The following STK32B variants were observed in gnomAD, a reference collection of about 807,000 sequenced individuals.
STK32B encodes the protein serine/threonine-protein kinase 32B.
Under a neutral mutation model 52.6 loss-of-function variants are expected in STK32B, and 43 were observed. The ratio of observed to expected loss-of-function variants is 0.82; its 90% CI spans 0.64 to 1.05. The LOEUF is 1.05. Among genes scored for constraint, STK32B ranks in the 50% least tolerant of loss-of-function variants. The pLI, the probability that STK32B is intolerant of heterozygous loss-of-function variation, is 0.00. For synonymous variants in STK32B, 238 were observed against 204.3 expected (o/e 1.17, Z -1.41); for missense variants, 621 against 534.6 (o/e 1.16, Z -1.59).
chr4:5,278,293 C>T (rs1381422549), intron 3 of STK32B, among the ~76,000 whole-genome samples: 2 of 152,184 alleles, frequency 1.3e-5, no homozygotes. Context: ...TTCTGAAAAC[C>T]AGAGCATTAA....
At chr4:5,313,034 C>G (rs1178182325) in intron 3 of STK32B, among the ~76,000 whole-genome samples, 1 of 151,622 alleles carries the variant, frequency 6.6e-6, no homozygotes, top group Non-Finnish European at 1.5e-5. Flanking sequence ...AAAAGAAAGA[C>G]CAACATAGCT....
At chr4:5,491,811 C>A (rs1220487688) in intron 11 of STK32B, among the ~76,000 whole-genome samples, 4 of 151,766 alleles carry the variant, frequency 2.6e-5, no homozygotes, top group Admixed American at 2.0e-4. Flanking sequence ...AGCCAGTTTT[C>A]CCAGCACCAT....
chr4:5,072,190 A>G (rs528963896), intron 1 of STK32B, among the ~76,000 whole-genome samples: 2 of 152,320 alleles, frequency 1.3e-5, no homozygotes, highest in African/African-American at 4.8e-5. Flanking sequence ...AGTATATTCT[A>G]CACTGACAAC....
chr4:5,445,967 T>A (rs1419711209), intron 6 of STK32B, among the ~76,000 whole-genome samples: 1 of 151,876 alleles, frequency 6.6e-6, no homozygotes, highest in East Asian at 1.9e-4. Context: ...GAGCTCTAAG[T>A]GTCCATTTCT....
At chr4:5,281,428 C>T (rs1341922185) in intron 3 of STK32B, among the ~76,000 whole-genome samples, 3 of 152,002 alleles carry the variant, frequency 2.0e-5, no homozygotes, top group Non-Finnish European at 4.4e-5. Context: ...ACATCACACA[C>T]CAGGACCTGT....
chr4:5,433,256 A>G (rs770421867), intron 6 of STK32B, among the ~76,000 whole-genome samples: 52 of 152,332 alleles, frequency 3.4e-4, no homozygotes, highest in Middle Eastern at 6.8e-3. Flanking sequence ...AGGCGGAAAG[A>G]GTCCTAGAGT....
At position 5,500,668 on chromosome 4, in the gene STK32B, A is replaced by T. The variant is rs554832520; in HGVS notation, c.*1585A>T. ...GTTAGGTTTTATATTTTTATTTTTT[A>T]AAAAAGAAATAGTCAGTGTTTTCCT... On this transcript the variant is annotated 3_prime_UTR_variant, in exon 12 of 12. Transcript: ENST00000282908. 4 of 152,250 alleles carry T rather than the reference A, an allele frequency of 2.6e-5. No homozygotes were observed. The highest frequency in any genetic ancestry group is 2.6e-4 in the Admixed American group (4 of 15,288). 9.4% of individuals were successfully genotyped at this position (152,250 alleles called of 1,614,324 possible). A position where few individuals can be genotyped will look rare whatever the true frequency, so the allele number is the denominator to read the frequency against.
chr4:5,246,610 T>C (rs1725468155), intron 3 of STK32B, among the ~76,000 whole-genome samples: 1 of 152,208 alleles, frequency 6.6e-6, no homozygotes. Context: ...GTTCTGTTGC[T>C]GATGAGGAGC....
intron 3 of STK32B, among the ~76,000 whole-genome samples, chr4:5,301,747 T>TG (rs1358324388): frequency 1.0e-5 from 1 of 98,596 alleles, no homozygotes; most frequent in Non-Finnish European, 1.9e-5. Flanking sequence ...TTCCATTAGC[T>TG]TTTTTTTTTT....
At chr4:5,105,062 C>A (rs1359431742) in intron 1 of STK32B, among the ~76,000 whole-genome samples, 1 of 152,200 alleles carries the variant, frequency 6.6e-6, no homozygotes, top group Non-Finnish European at 1.5e-5. Flanking sequence ...TAAGAGGGAT[C>A]CCTTTGCTCC....
chr4:5,045,732 C>T, the STK32B span, among the ~76,000 whole-genome samples: 1 of 152,062 alleles, frequency 6.6e-6, no homozygotes, highest in Admixed American at 6.6e-5. Context: ...TAAAGGAATG[C>T]TTACGAATTT....
chr4:5,343,909 C>G (rs1158677329), intron 4 of STK32B, among the ~76,000 whole-genome samples: 2 of 152,176 alleles, frequency 1.3e-5, no homozygotes, highest in East Asian at 3.9e-4. Context: ...AAAAATTTCT[C>G]TTAAGTTTTG....
In STK32B at chr4:5,051,758, C is replaced by G; in HGVS notation, c.-106C>G. 7 of 1,498,568 alleles carry G rather than the reference C, an allele frequency of 4.7e-6. No individual in the cohort carries two copies. In the South Asian group the frequency reaches 5.1e-5, roughly 11 times the overall value. 92.8% of individuals were successfully genotyped at this position (1,498,568 alleles called of 1,614,324 possible). A position where few individuals can be genotyped will look rare whatever the true frequency, so the allele number is the denominator to read the frequency against. On this transcript the variant is annotated 5_prime_UTR_variant, in exon 1 of 12. Coordinates refer to ENST00000282908, the MANE Select transcript of STK32B (RefSeq NM_018401.3). Reference sequence around the variant, plus strand: ...CCTCGGGCTCCGCGCGCGGCTACAACCCGGACTGGGCGCGCCCCCGGCATC... The same window carrying G: ...CCTCGGGCTCCGCGCGCGGCTACAAGCCGGACTGGGCGCGCCCCCGGCATC...
At chr4:5,079,153 A>C (rs1334294093) in intron 1 of STK32B, among the ~76,000 whole-genome samples, 1 of 152,162 alleles carries the variant, frequency 6.6e-6, no homozygotes, top group Non-Finnish European at 1.5e-5. Flanking sequence ...AACTCTTAAA[A>C]ATGTTTAATG....
At chr4:5,202,545 T>TAAGA (rs1722235510) in intron 3 of STK32B, among the ~76,000 whole-genome samples, 1 of 152,216 alleles carries the variant, frequency 6.6e-6, no homozygotes, top group South Asian at 2.1e-4. Flanking sequence ...ATGTTTCTTC[T>TAAGA]CTGCATTGAT....
chr4:5,459,670 A>G (rs186211170), intron 8 of STK32B, among the ~76,000 whole-genome samples: 2 of 152,346 alleles, frequency 1.3e-5, no homozygotes, highest in Admixed American at 1.3e-4. Flanking sequence ...ATTAGGTCAC[A>G]GAGATCACCT....
the STK32B span, among the ~76,000 whole-genome samples, chr4:5,036,852 G>A: frequency 7.9e-5 from 12 of 151,764 alleles, no homozygotes; most frequent in Middle Eastern, 3.2e-3. Flanking sequence ...ATTTTTAGTA[G>A]AGACGGGGTT....
intron 3 of STK32B, among the ~76,000 whole-genome samples, chr4:5,261,496 C>T (rs941193197): frequency 6.6e-6 from 1 of 152,022 alleles, no homozygotes; most frequent in African/African-American, 2.4e-5. Context: ...TTATTAAGAC[C>T]CTGTCACACA....
rs181617333 is a variant in STK32B, at chr4:5,424,087, G to C, written c.562+7153G>C. On this transcript the variant is annotated intron_variant, in intron 6 of 11. Coordinates refer to ENST00000282908, the MANE Select transcript of STK32B (RefSeq NM_018401.3). ...GTACCCACTCTGATTTCAGAGTGGG[G>C]TTGTGGCCAAGCCTGGGTACATACC... is the stretch of plus-strand genomic sequence containing the variant. 8.1e-4 allele frequency among the ~76,000 whole-genome samples: 123 copies of C among 152,226 alleles called. 2 individuals carry two copies. In the East Asian group the frequency reaches 0.013, roughly 16 times the overall value.
Sources: gnomAD v4.1 joint callset for allele counts (sites outside exome capture counted in the v4.1 genomes callset) on GRCh38, gnomAD v4.1.1 for gene constraint, MANE v1.5 for transcripts, NCBI Gene and HGNC (gene_info 2026-07-23, HGNC 2026-07-21) for gene names.